Variants in TCEA2 observed in about 807,000 individuals in gnomAD.
TCEA2 encodes the protein transcription elongation factor A2.
Under a neutral mutation model 40.8 loss-of-function variants are expected in TCEA2, and 21 were observed. The observed-to-expected ratio is 0.51, with a 90% confidence interval of 0.36 to 0.74. The LOEUF (loss-of-function observed/expected upper bound fraction) is 0.74, where lower values mean the gene tolerates loss of function less well. Ranked by LOEUF, TCEA2 falls within the 30% of genes least tolerant of loss-of-function variation. The pLI is 0.00. For synonymous variants in TCEA2, 165 were observed against 162.7 expected (o/e 1.01, Z -0.11); for missense variants, 326 against 426.5 (o/e 0.76, Z 2.08).
chr20:64,057,976 C>G (rs990356849), intron 1 of TCEA2, among the ~76,000 whole-genome samples: 6 of 152,198 alleles, frequency 3.9e-5, no homozygotes, highest in Admixed American at 2.0e-4. Context: ...CTCACAGGCT[C>G]TGGGGCCAGT....
chr20:64,067,900 G>A, intron 3 of TCEA2, 147 bp from the exon 4 acceptor site: 1 of 602,138 alleles, frequency 1.7e-6, no homozygotes, highest in Non-Finnish European at 2.8e-6. Context: ...CCTGGCCCCT[G>A]GCTCCCCTGG....
intron 2 of TCEA2, 83 bp from the exon 3 acceptor site, chr20:64,066,831 TG>T: frequency 3.6e-6 from 5 of 1,371,632 alleles, no homozygotes; most frequent in Non-Finnish European, 5.1e-6. Flanking sequence ...TCCTGTCCTG[TG>T]GGGGCCACCA....
chr20:64,065,133 G>T (rs58269830), intron 1 of TCEA2, among the ~76,000 whole-genome samples: 31,764 of 152,098 alleles, frequency 0.21, 3,450 homozygotes, highest in Non-Finnish European at 0.23. Context: ...GGGGCCAGGT[G>T]TGGGGGTTTT....
At chr20:64,060,950 C>T (rs1341084616), upstream of TCEA2, among the ~76,000 whole-genome samples, 13 of 151,840 alleles carry the variant, frequency 8.6e-5, no homozygotes, top group African/African-American at 2.4e-4. Flanking sequence ...CCGCCATGCC[C>T]GGCTAATTTT....
intron 2 of TCEA2, 45 bp from the exon 3 acceptor site, chr20:64,066,870 A>AG: frequency 6.3e-7 from 1 of 1,576,604 alleles, no homozygotes. Flanking sequence ...TCTGACCCCT[A>AG]GGGTGGGCCC....
intron 3 of TCEA2, 85 bp from the exon 4 acceptor site, chr20:64,067,962 G>A (rs995085913): frequency 1.3e-5 from 13 of 1,036,076 alleles, no homozygotes; most frequent in South Asian, 3.5e-5. Flanking sequence ...GTTGGTGGTC[G>A]GGCTGAGGCT....
At chr20:64,070,847 G>A (rs1422815905) in intron 8 of TCEA2, among the ~76,000 whole-genome samples, 1 of 152,358 alleles carries the variant, frequency 6.6e-6, no homozygotes, top group East Asian at 1.9e-4. Context: ...TGGGTGGTGG[G>A]ACCCACTTGT....
intron 5 of TCEA2, 131 bp downstream of exon 5, chr20:64,069,622 A>C (rs115457026): frequency 6.6e-7 from 1 of 1,525,102 alleles, no homozygotes; most frequent in African/African-American, 1.4e-5. Flanking sequence ...TGGCCCTGGC[A>C]GGGGCTAGGG....
At chr20:64,063,531 C>T (rs1218034506) in intron 1 of TCEA2, 147 bp downstream of exon 1, 10 of 946,426 alleles carry the variant, frequency 1.1e-5, no homozygotes, top group Middle Eastern at 6.5e-4. Context: ...GCAGGGGAGA[C>T]CCCCACCCGT....
chr20:64,065,011 A>T (rs1330994965), intron 1 of TCEA2, among the ~76,000 whole-genome samples: 1 of 151,904 alleles, frequency 6.6e-6, no homozygotes. Flanking sequence ...GAACAGCTTG[A>T]GTAGAAGCCC....
At chr20:64,057,998 G>GC (rs1487446756) in intron 1 of TCEA2, among the ~76,000 whole-genome samples, 2 of 152,200 alleles carry the variant, frequency 1.3e-5, no homozygotes, top group Admixed American at 6.5e-5. Flanking sequence ...ACCTGCCTCT[G>GC]CCCGGGGGCG....
chr20:64,059,572 TCCTGGCTGGCCTGTGG>T (rs57609597), upstream of TCEA2, among the ~76,000 whole-genome samples: 65,624 of 151,860 alleles, frequency 0.43, 14,685 homozygotes, highest in East Asian at 0.67. Context: ...TCCTTATCCA[TCCTGGCTGGCCTGTGG>T]CCTGTACTTC....
At chr20:64,067,064 C>T in intron 3 of TCEA2, 44 bp downstream of exon 3, 1 of 1,558,580 alleles carries the variant, frequency 6.4e-7, no homozygotes, top group South Asian at 1.2e-5. Context: ...GCAGGGGTCC[C>T]AGAAGTGCTG....
At chr20:64,068,215 G>A in intron 4 of TCEA2, 81 bp downstream of exon 4, 1 of 1,269,538 alleles carries the variant, frequency 7.9e-7, no homozygotes, top group South Asian at 1.3e-5. Flanking sequence ...CAGTCTCCAT[G>A]TGCCTAGGCA....
intron 6 of TCEA2, 31 bp downstream of exon 6, chr20:64,069,852 G>C (rs762803685): frequency 6.2e-7 from 1 of 1,609,926 alleles, no homozygotes; most frequent in Admixed American, 1.7e-5. Context: ...GTGGGCCTGG[G>C]TTTCTGGTGG....
In TCEA2 at chr20:64,071,920, C is replaced by G; in HGVS notation, c.870C>G (p.Asn290Lys). 6.2e-7 allele frequency: 1 copy of G among 1,614,148 alleles called. No homozygotes were observed. Among genetic ancestry groups the G allele is most frequent in the South Asian group, 1.1e-5 (1 of 91,078 alleles). The change falls in exon 9 of 10, where the codon AAC becomes AAG. Residue 290 changes from asparagine (N) to lysine (K), a missense_variant. Coordinates refer to ENST00000343484, the MANE Select transcript of TCEA2 (RefSeq NM_003195.6). ...DEPMTTFVVC[N>K]ECGNRWKFC ...CCATGACCACCTTTGTTGTCTGCAA[C>G]GAGTGTGGAAACCGCTGGAAGGTGG... is the stretch of plus-strand genomic sequence containing the variant.
rs112980537 is a variant in TCEA2, at chr20:64,066,926, C to T, written c.147C>T (p.Val49=). Residue 49 remains valine (V), a synonymous_variant, in exon 3 of 10, where the codon GTC becomes GTT. Coordinates refer to ENST00000343484, the MANE Select transcript of TCEA2 (RefSeq NM_003195.6). The part of the protein sequence containing the change: ...ITLHLLQSTR[V]GMSVNALRKQ... ...CACTTGCCTCGTAGTCCACCCGAGTCGGGATGTCTGTCAACGCCCTTCGGA... is the reference window on the plus strand; with the variant it reads ...CACTTGCCTCGTAGTCCACCCGAGTTGGGATGTCTGTCAACGCCCTTCGGA... 84 of 1,613,914 alleles carry T rather than the reference C, an allele frequency of 5.2e-5. No homozygotes were observed. The African/African-American group carries it at 7.2e-4, about 14-fold the overall frequency.
intron 6 of TCEA2, 198 bp downstream of exon 6, chr20:64,070,019 G>A: frequency 1.1e-6 from 1 of 876,490 alleles, no homozygotes. Flanking sequence ...GATTCTGTCT[G>A]CTTGTGGGGC....
At chr20:64,069,573 C>A in intron 5 of TCEA2, 82 bp downstream of exon 5, 2 of 1,565,634 alleles carry the variant, frequency 1.3e-6, no homozygotes, top group South Asian at 1.2e-5. Flanking sequence ...CAGAGGCCTG[C>A]TTCCAGCGGG....
Sources: allele counts gnomAD v4.1 joint callset (sites outside exome capture counted in the v4.1 genomes callset), GRCh38; gene constraint gnomAD v4.1.1; transcripts MANE v1.5; gene names NCBI Gene and HGNC (gene_info 2026-07-23, HGNC 2026-07-21).